The following FGGY variants were observed in gnomAD, a reference collection of about 807,000 sequenced individuals.
FGGY encodes the protein FGGY carbohydrate kinase domain containing.
In FGGY, 72 loss-of-function variants were observed where a neutral mutation model predicts 71.3. The ratio of observed to expected loss-of-function variants is 1.01; its 90% CI spans 0.84 to 1.23. The LOEUF (loss-of-function observed/expected upper bound fraction) is 1.23. Ranked by LOEUF, FGGY falls within the 50% of genes most tolerant of loss-of-function variation. The probability of loss-of-function intolerance (pLI) is 0.00; values close to 1 mark genes in which losing one functional copy is unlikely to be tolerated. For synonymous variants in FGGY, 251 were observed against 250.3 expected (o/e 1.00, Z -0.02); for missense variants, 668 against 682.3 (o/e 0.98, Z 0.23).
intron 6 of FGGY, among the ~76,000 whole-genome samples, chr1:59,499,248 A>T (rs953349251): frequency 4.0e-5 from 6 of 151,052 alleles, no homozygotes; most frequent in Admixed American, 1.3e-4. Flanking sequence ...CAAGACCCCC[A>T]GTGGATGCCT....
chr1:59,311,028 A>G (rs557858405), intron 1 of FGGY, among the ~76,000 whole-genome samples: 1 of 152,280 alleles, frequency 6.6e-6, no homozygotes, highest in Admixed American at 6.5e-5. Flanking sequence ...AATGTTTCCC[A>G]CAGTAGGATT....
rs143112173 is a variant in FGGY at position 59,508,066 on chromosome 1, C to T, written c.671-4245C>T. Among the ~76,000 whole-genome samples the T allele has an allele frequency of 1.7e-3, 256 of 152,278 alleles. 1 individual carries two copies. Among genetic ancestry groups the T allele is most frequent in the Non-Finnish European group, 2.4e-3 (165 of 68,014 alleles). On this transcript the variant is annotated intron_variant, in intron 6 of 15. Coordinates refer to ENST00000303721, the MANE Select transcript of FGGY (RefSeq NM_018291.5). ...TTTGCTCTGCTGTCATCCCTTTCCC[C>T]GGAGCATGCCAGCACTGAAACCACC... is the stretch of plus-strand genomic sequence containing the variant.
At chr1:59,722,706 G>T (rs763700984) in intron 14 of FGGY, among the ~76,000 whole-genome samples, 2 of 152,086 alleles carry the variant, frequency 1.3e-5, no homozygotes, top group African/African-American at 2.4e-5. Context: ...TTACTTTCTG[G>T]CACTACAAGG....
intron 14 of FGGY, among the ~76,000 whole-genome samples, chr1:59,751,849 T>A (rs1021071631): frequency 3.9e-5 from 6 of 152,228 alleles, no homozygotes; most frequent in African/African-American, 1.4e-4. Context: ...TGCAAATCCA[T>A]TGACTGAATC....
intron 14 of FGGY, chr1:59,698,913 A>T: frequency 4.1e-6 from 4 of 985,434 alleles, no homozygotes; most frequent in Non-Finnish European, 4.8e-6. Context: ...ACTGATTCCT[A>T]AATATGCTCC....
At chr1:59,386,138 A>G (rs2060042709) in intron 5 of FGGY, among the ~76,000 whole-genome samples, 1 of 152,184 alleles carries the variant, frequency 6.6e-6, no homozygotes, top group Non-Finnish European at 1.5e-5. Context: ...TAATTAATGG[A>G]CTGATATTGA....
intron 11 of FGGY, among the ~76,000 whole-genome samples, chr1:59,650,518 A>T (rs2097147351): frequency 1.0e-5 from 1 of 97,552 alleles, no homozygotes; most frequent in Non-Finnish European, 1.9e-5. Flanking sequence ...TTTCTTCTAG[A>T]TTTTCTAGTA....
chr1:59,601,561 A>G (rs995819039), intron 8 of FGGY, among the ~76,000 whole-genome samples: 4 of 152,210 alleles, frequency 2.6e-5, no homozygotes. Flanking sequence ...GTCTTCAGCT[A>G]TAATATGGGC....
At chr1:59,587,139 T>G (rs2096310182) in intron 8 of FGGY, among the ~76,000 whole-genome samples, 1 of 152,178 alleles carries the variant, frequency 6.6e-6, no homozygotes, top group African/African-American at 2.4e-5. Context: ...ACCAGGAGAT[T>G]ATATCCCGCA....
At chr1:59,709,725 A>G (rs2097780701) in intron 14 of FGGY, among the ~76,000 whole-genome samples, 1 of 152,208 alleles carries the variant, frequency 6.6e-6, no homozygotes, top group African/African-American at 2.4e-5. Flanking sequence ...GCTGGCTACA[A>G]TTTGTATATC....
At chr1:59,504,141 A>G (rs1482055408) in intron 6 of FGGY, among the ~76,000 whole-genome samples, 1 of 152,160 alleles carries the variant, frequency 6.6e-6, no homozygotes, top group Non-Finnish European at 1.5e-5. Flanking sequence ...GAGCTTTTTG[A>G]TTGCTGAATA....
intron 8 of FGGY, among the ~76,000 whole-genome samples, chr1:59,604,940 C>T (rs1376966664): frequency 1.3e-5 from 2 of 152,096 alleles, no homozygotes; most frequent in African/African-American, 2.4e-5. Context: ...AGAATTGGCA[C>T]GTGATAAAAT....
At chr1:59,589,917 A>C (rs1348212124) in intron 8 of FGGY, among the ~76,000 whole-genome samples, 1 of 152,126 alleles carries the variant, frequency 6.6e-6, no homozygotes, top group Non-Finnish European at 1.5e-5. Context: ...AGCTAGCAGA[A>C]GGCAAGAAAT....
intron 6 of FGGY, among the ~76,000 whole-genome samples, chr1:59,502,998 C>T (rs1343399193): frequency 4.6e-5 from 7 of 152,200 alleles, no homozygotes; most frequent in Admixed American, 2.6e-4. Flanking sequence ...TCCTTTTCTA[C>T]TCATCACATT....
intron 8 of FGGY, among the ~76,000 whole-genome samples, chr1:59,582,831 G>C (rs2153751351): frequency 6.7e-6 from 1 of 150,272 alleles, no homozygotes; most frequent in African/African-American, 2.5e-5. Flanking sequence ...TCAGCTTTCA[G>C]GAAATTTTGA....
intron 13 of FGGY, among the ~76,000 whole-genome samples, chr1:59,669,253 G>A (rs1044084712): frequency 1.3e-5 from 2 of 152,108 alleles, no homozygotes; most frequent in African/African-American, 4.8e-5. Flanking sequence ...TGTAACTGTG[G>A]TGTGTCGGGG....
At chr1:59,423,208 C>T (rs561451990) in intron 5 of FGGY, among the ~76,000 whole-genome samples, 2 of 152,294 alleles carry the variant, frequency 1.3e-5, no homozygotes, top group South Asian at 2.1e-4. Context: ...AAGGTCCCAC[C>T]GAAAGCCTTT....
intron 4 of FGGY, among the ~76,000 whole-genome samples, chr1:59,372,770 A>C (rs190753362): frequency 1.3e-5 from 2 of 152,306 alleles, no homozygotes; most frequent in Admixed American, 1.3e-4. Flanking sequence ...CAAATCAATA[A>C]ATGTAATCCA....
At chr1:59,394,551 C>G (rs2061093248) in intron 5 of FGGY, among the ~76,000 whole-genome samples, 1 of 152,120 alleles carries the variant, frequency 6.6e-6, no homozygotes. Flanking sequence ...GTGTATAAAG[C>G]TCATAGTACA....
Sources: gnomAD v4.1 joint callset for allele counts (sites outside exome capture counted in the v4.1 genomes callset) on GRCh38, gnomAD v4.1.1 for gene constraint, MANE v1.5 for transcripts, NCBI Gene and HGNC (gene_info 2026-07-23, HGNC 2026-07-21) for gene names.